The following KCNN2 variants were observed in gnomAD, a reference collection of about 807,000 sequenced individuals.
KCNN2 encodes the protein small conductance calcium-activated potassium channel protein 2.
A neutral mutation model predicts 55.5 loss-of-function variants in KCNN2; 24 were observed. The observed-to-expected ratio is 0.43, with a 90% CI of 0.31 to 0.61. The LOEUF is 0.61. Among genes scored for constraint, KCNN2 ranks in the 20% least tolerant of loss-of-function variants. The probability of loss-of-function intolerance (pLI) is 0.08; values close to 1 mark genes in which losing one functional copy is unlikely to be tolerated. For missense variants in KCNN2, 754 were observed against 853.6 expected (o/e 0.88, Z 1.45); for synonymous variants, 431 against 336.1 (o/e 1.28, Z -3.09).
At chr5:114,318,908 C>A (rs1385744916) in intron 2 of KCNN2, among the ~76,000 whole-genome samples, 1 of 152,060 alleles carries the variant, frequency 6.6e-6, no homozygotes, top group African/African-American at 2.4e-5. Flanking sequence ...TTCAGTATTA[C>A]AGCTGAAAAA....
chr5:114,472,047 A>G (rs6884289), intron 4 of KCNN2, among the ~76,000 whole-genome samples: 56,287 of 152,016 alleles, frequency 0.37, 11,801 homozygotes, highest in Middle Eastern at 0.48. Context: ...GGCAATGTCT[A>G]TGGTTCTGTG....
upstream of KCNN2, chr5:114,360,833 GAA>G (rs1394882591): frequency 1.3e-5 from 2 of 152,372 alleles, no homozygotes; most frequent in Non-Finnish European, 2.9e-5. Context: ...CTACCGGGGT[GAA>G]TCAGCCCGCG....
chr5:114,233,714 T>G (rs1754412524), intron 2 of KCNN2, among the ~76,000 whole-genome samples: 2 of 152,236 alleles, frequency 1.3e-5, no homozygotes, highest in Admixed American at 1.3e-4. Context: ...TTTAATCAAT[T>G]AAGATTAACC....
At chr5:114,306,093 T>A (rs1756263657) in intron 2 of KCNN2, among the ~76,000 whole-genome samples, 1 of 152,208 alleles carries the variant, frequency 6.6e-6, no homozygotes, top group African/African-American at 2.4e-5. Context: ...GAAGTAGAGT[T>A]GTCATAGCCC....
chr5:114,484,812 A>G (rs1269924352), intron 5 of KCNN2, among the ~76,000 whole-genome samples: 7 of 152,312 alleles, frequency 4.6e-5, no homozygotes, highest in African/African-American at 1.4e-4. Flanking sequence ...GGATGTTTCA[A>G]AATAAATTCC....
intron 3 of KCNN2, among the ~76,000 whole-genome samples, chr5:114,444,957 T>C (rs1760348366): frequency 1.3e-5 from 2 of 152,136 alleles, no homozygotes; most frequent in Admixed American, 6.5e-5. Flanking sequence ...GGGTCTTCAT[T>C]GTATTATTTT....
intron 2 of KCNN2, among the ~76,000 whole-genome samples, chr5:114,305,351 G>C (rs1208388456): frequency 1.3e-5 from 2 of 152,216 alleles, no homozygotes; most frequent in Non-Finnish European, 2.9e-5. Context: ...GCCAAGGCAG[G>C]CTGGTGGGTG....
At chr5:114,111,085 C>T (rs1372225972) in intron 1 of KCNN2, among the ~76,000 whole-genome samples, 1 of 152,088 alleles carries the variant, frequency 6.6e-6, no homozygotes, top group Admixed American at 6.6e-5. Flanking sequence ...AACTATACTA[C>T]GAGGCTCTAG....
chr5:114,283,608 G>A lies in KCNN2; in HGVS notation c.-185+62043G>A, dbSNP rs530704614. ...TCTCTTATTGTCCTTATAGTCTTTCGTTGTTGCCTAAACATTTTGAGAAAT... is the reference window on the plus strand; with the variant it reads ...TCTCTTATTGTCCTTATAGTCTTTCATTGTTGCCTAAACATTTTGAGAAAT... On this transcript the variant is annotated intron_variant, in intron 2 of 10. Transcript: ENST00000512097. Among the ~76,000 whole-genome samples the A allele has an allele frequency of 1.9e-4, 29 of 152,142 alleles. No homozygotes were observed. The South Asian group carries it at 3.5e-3, about 19-fold the overall frequency.
At chr5:114,192,078 C>G (rs531464051) in intron 1 of KCNN2, among the ~76,000 whole-genome samples, 1 of 152,312 alleles carries the variant, frequency 6.6e-6, no homozygotes, top group African/African-American at 2.4e-5. Flanking sequence ...GCTCTGTCTA[C>G]TTAGCCAAGA....
intron 2 of KCNN2, 39 bp from the exon 3 acceptor site, chr5:114,404,399 A>G (rs577487509): frequency 1.9e-6 from 3 of 1,555,188 alleles, no homozygotes; most frequent in South Asian, 2.3e-5. Flanking sequence ...TGGACCATTC[A>G]TGCCATACTG....
chr5:114,360,717 A>G (rs1757392558), upstream of KCNN2, among the ~76,000 whole-genome samples: 1 of 152,190 alleles, frequency 6.6e-6, no homozygotes, highest in African/African-American at 2.4e-5. Context: ...ATTAGAGAGT[A>G]AATAAATAAA....
chr5:114,207,201 A>T (rs766123788), intron 1 of KCNN2, among the ~76,000 whole-genome samples: 5 of 152,128 alleles, frequency 3.3e-5, no homozygotes, highest in Non-Finnish European at 7.3e-5. Flanking sequence ...ACACCCTCTC[A>T]CAATAACTGC....
chr5:114,398,814 G>A (rs1001514982), intron 2 of KCNN2, among the ~76,000 whole-genome samples: 4 of 152,030 alleles, frequency 2.6e-5, no homozygotes, highest in African/African-American at 9.7e-5. Context: ...ATTATGAATG[G>A]GATTGTGTTC....
chr5:114,313,690 A>T (rs1756448430), intron 2 of KCNN2, among the ~76,000 whole-genome samples: 1 of 152,136 alleles, frequency 6.6e-6, no homozygotes, highest in Non-Finnish European at 1.5e-5. Flanking sequence ...TCCTTCTTGG[A>T]TAAGCACATT....
At position 114,251,997 on chromosome 5, in the gene KCNN2, G is replaced by A. The variant is rs186322772; in HGVS notation, c.-185+30432G>A. 4.1e-4 allele frequency among the ~76,000 whole-genome samples: 62 copies of A among 150,408 alleles called. No individual in the cohort carries two copies. The East Asian group carries it at 0.011, about 28-fold the overall frequency. The stretch of plus-strand genomic sequence containing the variant: ...AGGTTCAAGCAATTCTCCCACCTCA[G>A]CCTCCCGAGCAGCTGGGATTATAGG... On this transcript the variant is annotated intron_variant, in intron 2 of 10. Transcript: ENST00000512097.
At chr5:114,140,783 T>TATTATG (rs1752262738) in intron 1 of KCNN2, among the ~76,000 whole-genome samples, 1 of 147,682 alleles carries the variant, frequency 6.8e-6, no homozygotes, top group Non-Finnish European at 1.5e-5. Flanking sequence ...TTATTATTAT[T>TATTATG]ATTATTATTA....
chr5:114,237,292 TCA>T (rs1301253857), intron 2 of KCNN2, among the ~76,000 whole-genome samples: 1 of 92,070 alleles, frequency 1.1e-5, no homozygotes, highest in Non-Finnish European at 2.4e-5. Context: ...ACACACACAC[TCA>T]CACACACACT....
chr5:114,385,733 T>G (rs1307499604), intron 2 of KCNN2, among the ~76,000 whole-genome samples: 1 of 152,126 alleles, frequency 6.6e-6, no homozygotes, highest in Non-Finnish European at 1.5e-5. Context: ...GTAGTTGTCC[T>G]TCTTCTGTAT....
Sources: allele counts gnomAD v4.1 joint callset (sites outside exome capture counted in the v4.1 genomes callset), GRCh38; gene constraint gnomAD v4.1.1; transcripts MANE v1.5; gene names NCBI Gene and HGNC (gene_info 2026-07-23, HGNC 2026-07-21).